Variants in TTC17 observed in about 807,000 individuals in gnomAD.
TTC17 encodes tetratricopeptide repeat protein 17.
TTC17 carries 58 observed loss-of-function variants against 143.8 expected under a neutral mutation model. That is an observed-to-expected ratio of 0.40 (90% confidence interval 0.33 to 0.50). The LOEUF (loss-of-function observed/expected upper bound fraction) is 0.50. Ranked by LOEUF, TTC17 falls within the 20% of genes least tolerant of loss-of-function variation. The pLI, the probability that TTC17 is intolerant of heterozygous loss-of-function variation, is 0.49. For missense variants in TTC17, 1,273 were observed against 1,392.5 expected, an observed-to-expected ratio of 0.91 and a Z score of 1.37; for synonymous variants, 501 against 497.8, an observed-to-expected ratio of 1.01 and a Z score of -0.09.
At chr11:43,426,061 G>C (rs1053288784) in intron 16 of TTC17, among the ~76,000 whole-genome samples, 1 of 152,216 alleles carries the variant, frequency 6.6e-6, no homozygotes, top group Non-Finnish European at 1.5e-5. Flanking sequence ...AAGAGCTAGA[G>C]GTCCGTAGCA....
intron 18 of TTC17, chr11:43,446,709 G>A (rs973119667): frequency 1.0e-5 from 10 of 981,378 alleles, no homozygotes; most frequent in African/African-American, 3.5e-5. Context: ...TATAAAAAGC[G>A]CTATACAGAA....
intron 16 of TTC17, among the ~76,000 whole-genome samples, chr11:43,439,470 GT>G (rs370245266): frequency 7.2e-4 from 99 of 137,904 alleles, no homozygotes; most frequent in East Asian, 8.3e-4. Flanking sequence ...TTTTTTTTTG[GT>G]TTTTTTTTTT....
At chr11:43,487,995 CACAT>C (rs1351062262) in intron 21 of TTC17, among the ~76,000 whole-genome samples, 3 of 152,154 alleles carry the variant, frequency 2.0e-5, no homozygotes, top group African/African-American at 7.2e-5. Flanking sequence ...TAAAGACCTC[CACAT>C]ACAGTTACAT....
chr11:43,484,242 T>C (rs1948339926), intron 21 of TTC17, among the ~76,000 whole-genome samples: 1 of 152,160 alleles, frequency 6.6e-6, no homozygotes, highest in South Asian at 2.1e-4. Context: ...CCCCAAAGAC[T>C]CCACAGTTTT....
intron 16 of TTC17, among the ~76,000 whole-genome samples, chr11:43,438,472 A>C (rs1247521894): frequency 2.0e-5 from 3 of 152,142 alleles, no homozygotes; most frequent in African/African-American, 7.2e-5. Context: ...ATTTGGAATC[A>C]AGTTTGTCTA....
chr11:43,378,181 G>T (rs978879313), intron 1 of TTC17, among the ~76,000 whole-genome samples: 6 of 152,150 alleles, frequency 3.9e-5, no homozygotes, highest in African/African-American at 1.2e-4. Context: ...GGGCTTACAG[G>T]CATAAGCCAC....
chr11:43,388,355 T>C (rs1415294243), intron 2 of TTC17, among the ~76,000 whole-genome samples: 1 of 152,080 alleles, frequency 6.6e-6, no homozygotes, highest in Admixed American at 6.5e-5. Context: ...AAAGCAATGC[T>C]GTATTTTGAT....
intron 21 of TTC17, among the ~76,000 whole-genome samples, chr11:43,461,863 G>A (rs1409808305): frequency 6.6e-6 from 1 of 152,052 alleles, no homozygotes; most frequent in Non-Finnish European, 1.5e-5. Flanking sequence ...AAGTAAAAAA[G>A]CATGTTTTAA....
chr11:43,402,790 A>G (rs1857926448), intron 10 of TTC17, among the ~76,000 whole-genome samples: 2 of 152,226 alleles, frequency 1.3e-5, no homozygotes, highest in Admixed American at 1.3e-4. Flanking sequence ...GAAATAAAAC[A>G]TTTATTCTAT....
chr11:43,434,229 ACACT>A (rs1384316820), intron 16 of TTC17, among the ~76,000 whole-genome samples: 10 of 105,050 alleles, frequency 9.5e-5, no homozygotes, highest in Non-Finnish European at 1.6e-4. Flanking sequence ...ACACACACAC[ACACT>A]CTCATGGCCT....
intron 21 of TTC17, among the ~76,000 whole-genome samples, chr11:43,464,157 GT>G (rs1947925368): frequency 6.6e-6 from 1 of 152,010 alleles, no homozygotes; most frequent in Non-Finnish European, 1.5e-5. Flanking sequence ...GTGCACGCCT[GT>G]AATGCCGGGT....
chr11:43,404,222 A>G, intron 11 of TTC17, 78 bp downstream of exon 11: 1 of 1,392,122 alleles, frequency 7.2e-7, no homozygotes, highest in Non-Finnish European at 9.8e-7. Flanking sequence ...AACCTCACTG[A>G]TTAATATGGC....
chr11:43,407,041 C>A, intron 13 of TTC17, 97 bp from the exon 14 acceptor site: 1 of 779,656 alleles, frequency 1.3e-6, no homozygotes, highest in Non-Finnish European at 2.1e-6. Context: ...TTAGCTGTTC[C>A]TGAGGAGCTT....
chr11:43,378,531 T>G (rs1479453102), intron 1 of TTC17, among the ~76,000 whole-genome samples: 1 of 152,234 alleles, frequency 6.6e-6, no homozygotes, highest in Non-Finnish European at 1.5e-5. Flanking sequence ...AGCATCCTTA[T>G]GTATATCCTT....
intron 1 of TTC17, among the ~76,000 whole-genome samples, chr11:43,374,599 G>A (rs770331736): frequency 1.1e-4 from 16 of 151,902 alleles, no homozygotes; most frequent in Non-Finnish European, 1.8e-4. Flanking sequence ...ATGGGCAAAC[G>A]ACACAAACAG....
chr11:43,396,779 TA>T lies in TTC17; in HGVS notation c.735del (p.Val246Ter). 6.2e-7 allele frequency: 1 copy of T among 1,611,242 alleles called. No homozygotes were observed. ...YWRIKNEPYQ[V>X]VECAMRALHF... ...AGAATTAAGAATGAGCCATATCAGG[TA>T]GTAGAATGTGCCATGCGAGCACTTC... On this transcript the variant is annotated frameshift_variant, in exon 6 of 24. Coordinates refer to ENST00000039989, the MANE Select transcript of TTC17 (RefSeq NM_018259.6). LOFTEE classifies it high-confidence loss of function.
chr11:43,434,856 A>G (rs888080837), intron 16 of TTC17, among the ~76,000 whole-genome samples: 1 of 152,242 alleles, frequency 6.6e-6, no homozygotes, highest in African/African-American at 2.4e-5. Flanking sequence ...GGAAAATGGA[A>G]AATGACTCTC....
intron 16 of TTC17, among the ~76,000 whole-genome samples, chr11:43,420,546 T>TA: frequency 6.6e-6 from 1 of 152,350 alleles, no homozygotes; most frequent in East Asian, 1.9e-4. Flanking sequence ...CCTTCTATTT[T>TA]ACGTGGAAGA....
chr11:43,387,362 G>A (rs1857208002), intron 2 of TTC17, among the ~76,000 whole-genome samples: 1 of 152,164 alleles, frequency 6.6e-6, no homozygotes, highest in East Asian at 1.9e-4. Context: ...TTTCTACTGA[G>A]AAGTGACATA....
Sources: allele counts gnomAD v4.1 joint callset (sites outside exome capture counted in the v4.1 genomes callset), GRCh38; gene constraint gnomAD v4.1.1; transcripts MANE v1.5; gene names NCBI Gene and HGNC (gene_info 2026-07-23, HGNC 2026-07-21).